The following MYOM2 variants were observed in gnomAD, a reference collection of about 807,000 sequenced individuals.
The protein encoded by MYOM2 is myomesin-2.
A neutral mutation model predicts 187.6 loss-of-function variants in MYOM2; 254 were observed. The ratio of observed to expected loss-of-function variants is 1.35; its 90% confidence interval spans 1.22 to 1.50. MYOM2 has a LOEUF of 1.50. MYOM2 is among the 40% of genes most tolerant of loss of function. MYOM2 has a pLI of 0.00. For synonymous variants in MYOM2, 981 were observed against 753.8 expected (o/e 1.30, Z -4.94); for missense variants, 2,796 against 1,924.0 (o/e 1.45, Z -8.48).
intron 3 of MYOM2, among the ~76,000 whole-genome samples, chr8:2,055,844 G>A (rs955327936): frequency 3.6e-4 from 54 of 152,096 alleles, no homozygotes; most frequent in Non-Finnish European, 1.0e-4. Flanking sequence ...GTGATGCTAC[G>A]GTCCCCTCCA....
At chr8:2,134,285 C>T (rs941837653) in intron 32 of MYOM2, among the ~76,000 whole-genome samples, 1 of 152,074 alleles carries the variant, frequency 6.6e-6, no homozygotes, top group Non-Finnish European at 1.5e-5. Flanking sequence ...TGCCTTGAAG[C>T]CTTCTGTCAG....
In MYOM2 at chr8:2,140,745, G is replaced by C; in HGVS notation, c.3823G>C (p.Glu1275Gln). 1 of 1,614,030 alleles carries C rather than the reference G, an allele frequency of 6.2e-7. No individual in the cohort carries two copies. The highest frequency in any genetic ancestry group is 8.5e-7 in the Non-Finnish European group (1 of 1,179,968). Residue 1275 changes from glutamate (E) to glutamine (Q), a missense_variant, in exon 33 of 37, where the codon GAG becomes CAG. Glu to Gln is a conservative substitution (Grantham distance 29, BLOSUM62 2). Coordinates refer to ENST00000262113, the MANE Select transcript of MYOM2 (RefSeq NM_003970.4). ...CHKDAKISSS[E>Q]HMRIGGSEEM... ...AAGAGATGCTAAGATCTCATCCAGT[G>C]AGCATATGAGAATCGGGGGGAGTGA... is the stretch of plus-strand genomic sequence containing the variant.
Position 2,102,398 on chromosome 8 carries a change from T to C in MYOM2, c.2620-269T>C, listed in dbSNP as rs557430613. On this transcript the variant is annotated intron_variant, in intron 20 of 36. Coordinates refer to ENST00000262113, the MANE Select transcript of MYOM2 (RefSeq NM_003970.4). ...ACACCAGATTATAAACTAGTCAGTA[T>C]GATTTTACTTCTGCTTTAAAATATG... The C allele has an allele frequency of 4.6e-5, 17 of 370,830 alleles. No individual in the cohort carries two copies. The South Asian group carries it at 7.5e-4, about 16-fold the overall frequency. 23.0% of individuals were successfully genotyped at this position (370,830 alleles called of 1,614,324 possible).
chr8:2,079,749 C>T (rs754949618), intron 13 of MYOM2, 136 bp downstream of exon 13: 5 of 914,172 alleles, frequency 5.5e-6, no homozygotes, highest in African/African-American at 3.3e-5. Flanking sequence ...GCAGGTCAGG[C>T]CTGCAAGCCC....
At chr8:2,100,760 G>T in intron 19 of MYOM2, 116 bp from the exon 20 acceptor site, 3 of 929,742 alleles carry the variant, frequency 3.2e-6, no homozygotes, top group East Asian at 2.6e-5. Flanking sequence ...GAACAGATAC[G>T]GATGGTCCTG....
chr8:2,059,074 G>A (rs1314772900), intron 5 of MYOM2, 79 bp from the exon 6 acceptor site: 7 of 1,201,490 alleles, frequency 5.8e-6, no homozygotes, highest in East Asian at 2.3e-5. Context: ...GGCAGCAGGC[G>A]CGGGGGAGCT....
Position 2,052,247 on chromosome 8 carries a change from C to G in MYOM2, c.197C>G (p.Thr66Ser), listed in dbSNP as rs1415186825. Residue 66 changes from threonine to serine, a missense_variant, in exon 3 of 37, where the codon ACC becomes AGC. Transcript: ENST00000262113. Reference protein sequence around the residue: ...RASSQTSLGGTICRVCAKRVS... With the variant: ...RASSQTSLGGSICRVCAKRVS... The stretch of plus-strand genomic sequence containing the variant: ...TCCAGCCAGACGTCCCTGGGAGGAA[C>G]CATCTGCAGGGTCTGTGCGAAGCGA... The G allele has an allele frequency of 3.7e-6, 6 of 1,613,082 alleles. No individual in the cohort carries two copies. The Admixed American group carries it at 1.0e-4, about 27-fold the overall frequency.
In MYOM2 at chr8:2,109,448, C is replaced by T. The variant is rs770705626; in HGVS notation, c.3097C>T (p.Arg1033Cys). ...AYEIFDKGRV[R>C]FWLQAEHLSP... ...TGAGATTTTTGATAAGGGGCGGGTT[C>T]GCTTCTGGCTCCAGGCTGAGCACTT... The change falls in exon 25 of 37, where the codon CGC becomes TGC. Residue 1033 changes from arginine (R) to cysteine (C), a missense_variant. By Grantham distance (180) the Arg-to-Cys change is radical (BLOSUM62 -3). Transcript: ENST00000262113. 21 of 1,612,834 alleles carry T rather than the reference C, an allele frequency of 1.3e-5. No individual in the cohort carries two copies. In the East Asian group the frequency reaches 2.2e-4, roughly 17 times the overall value.
chr8:2,092,488 G>C lies in MYOM2; in HGVS notation c.1971G>C (p.Glu657Asp). Residue 657 changes from glutamate to aspartate, a missense_variant, in exon 16 of 37, where the codon GAG becomes GAC. Transcript: ENST00000262113. ...DCCVAGTNLW[E>D]PCNHKPIGYN... ...GTGTGGCCGGAACCAACCTCTGGGA[G>C]CCCTGCAACCACAAGCCCATCGGAT... 6.2e-7 allele frequency: 1 copy of C among 1,614,066 alleles called. No individual in the cohort carries two copies. Among genetic ancestry groups the C allele is most frequent in the African/African-American group, 1.3e-5 (1 of 75,022 alleles).
chr8:2,114,480 C>A (rs1364318956), intron 25 of MYOM2, among the ~76,000 whole-genome samples: 2 of 144,612 alleles, frequency 1.4e-5, no homozygotes, highest in African/African-American at 2.6e-5. Context: ...TTTCTTCTTT[C>A]CCCCTTTTTT....
At chr8:2,120,680 T>TATATATTATATATATATAA in intron 28 of MYOM2, among the ~76,000 whole-genome samples, 1 of 48,300 alleles carries the variant, frequency 2.1e-5, no homozygotes, top group Non-Finnish European at 4.1e-5. Flanking sequence ...ATATATTATA[T>TATATATTATATATATATAA]TATATATAAA....
At chr8:2,140,056 A>G (rs1798221015) in intron 32 of MYOM2, among the ~76,000 whole-genome samples, 1 of 151,806 alleles carries the variant, frequency 6.6e-6, no homozygotes. Flanking sequence ...GTTCCCATTA[A>G]ACCCTCAGTC....
chr8:2,096,536 A>G (rs7815778), intron 18 of MYOM2, 102 bp downstream of exon 18: 453,433 of 1,068,682 alleles, frequency 0.42, 99,847 homozygotes, highest in East Asian at 0.53. Context: ...TGATACAGAC[A>G]CAAAAATGGA....
At chr8:2,144,176 C>G (rs1798374921) in intron 36 of MYOM2, among the ~76,000 whole-genome samples, 1 of 151,332 alleles carries the variant, frequency 6.6e-6, no homozygotes, top group South Asian at 2.1e-4. Context: ...AATCGTTTTA[C>G]TTTATCCTAG....
chr8:2,115,913 G>A, intron 25 of MYOM2, 47 bp from the exon 26 acceptor site: 5 of 1,586,810 alleles, frequency 3.2e-6, no homozygotes, highest in African/African-American at 1.4e-5. Flanking sequence ...GGAAAACTAG[G>A]AGAGATTTCC....
chr8:2,113,994 G>C (rs142991967), intron 25 of MYOM2, among the ~76,000 whole-genome samples: 1 of 152,152 alleles, frequency 6.6e-6, no homozygotes, highest in Non-Finnish European at 1.5e-5. Flanking sequence ...GGGTGGGGAG[G>C]GTGCTCCCAA....
chr8:2,142,420 C>G, intron 35 of MYOM2, 23 bp downstream of exon 35: 1 of 1,612,520 alleles, frequency 6.2e-7, no homozygotes, highest in Non-Finnish European at 8.5e-7. Context: ...TGGATTGTAA[C>G]CAGGATGGTG....
intron 20 of MYOM2, among the ~76,000 whole-genome samples, chr8:2,102,428 G>C (rs1796739401): frequency 6.6e-6 from 1 of 152,138 alleles, no homozygotes; most frequent in African/African-American, 2.4e-5. Flanking sequence ...AATATGCAGA[G>C]ATAAAAAAAT....
At chr8:2,130,412 C>T (rs938011013) in intron 32 of MYOM2, among the ~76,000 whole-genome samples, 1 of 123,082 alleles carries the variant, frequency 8.1e-6, no homozygotes, top group South Asian at 2.8e-4. Flanking sequence ...CTTTAGTTAA[C>T]GCCCATCAGT....
Sources: allele counts gnomAD v4.1 joint callset (sites outside exome capture counted in the v4.1 genomes callset), GRCh38; gene constraint gnomAD v4.1.1; transcripts MANE v1.5; gene names NCBI Gene and HGNC (gene_info 2026-07-23, HGNC 2026-07-21).